PACRGL: variants seen among roughly 807,000 people sequenced by gnomAD.
PACRGL encodes PACRG-like protein.
Under a neutral mutation model 34.5 loss-of-function variants are expected in PACRGL, and 38 were observed. That is an observed-to-expected ratio of 1.10 (90% CI 0.85 to 1.44). The LOEUF (loss-of-function observed/expected upper bound fraction) is 1.44. PACRGL is among the 40% of genes most tolerant of loss of function. PACRGL has a pLI of 0.00. For missense variants in PACRGL, 305 were observed against 281.4 expected, an observed-to-expected ratio of 1.08 and a Z score of -0.60; for synonymous variants, 128 against 100.1, an observed-to-expected ratio of 1.28 and a Z score of -1.66.
At chr4:20,762,155 G>A in the PACRGL span, among the ~76,000 whole-genome samples, 3 of 152,302 alleles carry the variant, frequency 2.0e-5, no homozygotes, top group East Asian at 5.8e-4. Flanking sequence ...AGTGCTTGAT[G>A]AGGCCACATT....
chr4:20,700,411 T>A (rs968397321), upstream of PACRGL: 31 of 152,026 alleles, frequency 2.0e-4, no homozygotes, highest in African/African-American at 7.5e-4. Context: ...GCGTCTGACG[T>A]CATTGCGCGG....
downstream of PACRGL, among the ~76,000 whole-genome samples, chr4:20,735,271 G>A (rs1351425993): frequency 2.6e-5 from 4 of 152,092 alleles, no homozygotes; most frequent in African/African-American, 9.7e-5. Context: ...CTATATTACT[G>A]GATGGCTTTG....
intron 1 of PACRGL, chr4:20,702,781 A>G (rs1449557879): frequency 6.6e-6 from 1 of 152,258 alleles, no homozygotes; most frequent in Non-Finnish European, 1.5e-5. Flanking sequence ...CTTATTTTAG[A>G]CTATTATCTG....
chr4:20,731,427 T>TAAGC lies in PACRGL; in HGVS notation c.*4087_*4090dup. 1.0e-6 allele frequency: 1 copy of TAAGC among 985,350 alleles called. No individual in the cohort carries two copies. The highest frequency in any genetic ancestry group is 1.2e-6 in the Non-Finnish European group (1 of 829,866). 61.0% of individuals were successfully genotyped at this position (985,350 alleles called of 1,614,324 possible). ...ACACATCAAGTCAAATAATTCTAAG[T>TAAGC]AAGCTAACACTGGTTTCTTTGATAA... On this transcript the variant is annotated 3_prime_UTR_variant, in exon 9 of 9. Transcript: ENST00000503585.
chr4:20,736,348 CATT>C (rs1482477245), downstream of PACRGL, among the ~76,000 whole-genome samples: 1 of 151,960 alleles, frequency 6.6e-6, no homozygotes, highest in Non-Finnish European at 1.5e-5. Flanking sequence ...TTTTTCTCAT[CATT>C]ATTTCTAGGT....
exon 9 of PACRGL, chr4:20,752,606 C>T (rs1199050578): frequency 6.6e-6 from 1 of 152,100 alleles, no homozygotes; most frequent in Non-Finnish European, 1.5e-5. Flanking sequence ...TAATTTAATG[C>T]AATTTTCTGC....
chr4:20,707,724 C>G, intron 3 of PACRGL, 79 bp from the exon 4 acceptor site: 1 of 1,167,130 alleles, frequency 8.6e-7, no homozygotes, highest in Non-Finnish European at 1.3e-6. Context: ...ACCAGCTTGG[C>G]GGTTTGAAAA....
chr4:20,741,618 G>A (rs558099349), intron 8 of PACRGL, among the ~76,000 whole-genome samples: 22 of 152,258 alleles, frequency 1.4e-4, no homozygotes, highest in Non-Finnish European at 3.2e-4. Context: ...GAGAAAGCAG[G>A]AAAGATCTAA....
intron 8 of PACRGL, among the ~76,000 whole-genome samples, chr4:20,739,487 C>T (rs1750533758): frequency 6.6e-6 from 1 of 152,170 alleles, no homozygotes; most frequent in Admixed American, 6.5e-5. Flanking sequence ...CTCCAACAGA[C>T]CTGCAGCTGA....
chr4:20,723,898 C>T lies in PACRGL; in HGVS notation c.610-910C>T, dbSNP rs1235110173. Among the ~76,000 whole-genome samples, 30 of 152,208 alleles carry T rather than the reference C, an allele frequency of 2.0e-4. No individual in the cohort carries two copies. In the East Asian group the frequency reaches 5.8e-3, roughly 29 times the overall value. ...ATTACCACTAACTATGAGACAGACA[C>T]CACTGAGGATGTCAATGAGGTGCTA... is the stretch of plus-strand genomic sequence containing the variant. On this transcript the variant is annotated intron_variant, in intron 7 of 8. Transcript: ENST00000503585.
chr4:20,718,216 TAAG>T (rs1388192356), intron 7 of PACRGL, among the ~76,000 whole-genome samples: 1 of 152,210 alleles, frequency 6.6e-6, no homozygotes, highest in Non-Finnish European at 1.5e-5. Flanking sequence ...CTTATCAGCT[TAAG>T]GAGATTTTGG....
In PACRGL at chr4:20,727,512, C is replaced by T. The variant is rs549734644; in HGVS notation, c.*171C>T. The T allele has an allele frequency of 1.9e-6, 1 of 531,616 alleles. No homozygotes were observed. The highest frequency in any genetic ancestry group is 3.5e-5 in the South Asian group (1 of 28,846). The allele number at this position is 531,616 out of a possible 1,614,324, so 32.9% of individuals were successfully genotyped here. A position where few individuals can be genotyped will look rare whatever the true frequency, so the allele number is the denominator to read the frequency against. Reference sequence around the variant, plus strand: ...ATTCATCAACAAAAAAGAACAGTTACTAATGGAAAGTTATTAAAATAAGTT... The same window carrying T: ...ATTCATCAACAAAAAAGAACAGTTATTAATGGAAAGTTATTAAAATAAGTT... On this transcript the variant is annotated 3_prime_UTR_variant, in exon 9 of 9. Transcript: ENST00000503585.
chr4:20,709,866 A>G, intron 5 of PACRGL, 93 bp downstream of exon 5: 2 of 1,065,724 alleles, frequency 1.9e-6, no homozygotes, highest in Non-Finnish European at 2.8e-6. Flanking sequence ...ATTTCATTCT[A>G]TGCCTTTGAA....
chr4:20,704,780 C>T lies in PACRGL; in HGVS notation c.173C>T (p.Pro58Leu). Residue 58 changes from proline to leucine, a missense_variant, in exon 3 of 9, where the codon CCA (proline) becomes CTA (leucine). Physicochemically the swap from Pro to Leu is moderately conservative, Grantham distance 98. Coordinates refer to ENST00000503585, the MANE Select transcript of PACRGL (RefSeq NM_001258345.3). The stretch of plus-strand genomic sequence containing the variant: ...TCTGCAAGAAAACTTCATCCTAGAC[C>T]AAGTGATAAACTGAACCCTAAAACA... ...PESARKLHPR[P>L]SDKLNPKTIN... 1 of 1,614,084 alleles carries T rather than the reference C, an allele frequency of 6.2e-7. No homozygotes were observed. Among genetic ancestry groups the T allele is most frequent in the Middle Eastern group, 1.6e-4 (1 of 6,062 alleles).
chr4:20,731,882 G>A lies in PACRGL; in HGVS notation c.*4541G>A. The A allele has an allele frequency of 6.8e-7, 1 of 1,467,480 alleles. No homozygotes were observed. Among genetic ancestry groups the A allele is most frequent in the East Asian group, 2.5e-5 (1 of 40,724 alleles). 90.9% of individuals were successfully genotyped at this position (1,467,480 alleles called of 1,614,324 possible). A position where few individuals can be genotyped will look rare whatever the true frequency, so the allele number is the denominator to read the frequency against. On this transcript the variant is annotated 3_prime_UTR_variant, in exon 9 of 9. Coordinates refer to ENST00000503585, the MANE Select transcript of PACRGL (RefSeq NM_001258345.3). ...GAGTGGTAGGCTTATGCTGCATGTT[G>A]TAGAAGTGGTAAACTTAGGCATATG...
At chr4:20,721,118 G>A (rs747919468) in intron 7 of PACRGL, among the ~76,000 whole-genome samples, 3 of 151,976 alleles carry the variant, frequency 2.0e-5, no homozygotes, top group Non-Finnish European at 2.9e-5. Flanking sequence ...CGATTGAGTC[G>A]GCTACTGAAG....
the PACRGL span, among the ~76,000 whole-genome samples, chr4:20,762,647 A>G: frequency 6.6e-6 from 1 of 152,242 alleles, no homozygotes; most frequent in South Asian, 2.1e-4. Context: ...TGTAAAACAT[A>G]AACAATGTGC....
downstream of PACRGL, among the ~76,000 whole-genome samples, chr4:20,753,906 G>GTTCATTCATTCATTCA (rs3835144): frequency 4.6e-5 from 7 of 151,184 alleles, no homozygotes; most frequent in East Asian, 1.9e-4. Context: ...GAGCTCATTT[G>GTTCATTCATTCATTCA]TTCATTCATT....
rs561026921 is a variant in PACRGL, at chr4:20,720,779, T to C, written c.610-4029T>C. On this transcript the variant is annotated intron_variant, in intron 7 of 8. Transcript: ENST00000503585. Reference sequence around the variant, plus strand: ...AATATTTTTTCCTTCATTTCAACCTTGGTGAATCTGACAATTATGTGTCTT... The same window carrying C: ...AATATTTTTTCCTTCATTTCAACCTCGGTGAATCTGACAATTATGTGTCTT... 2.1e-3 allele frequency among the ~76,000 whole-genome samples: 317 copies of C among 152,234 alleles called. 1 individual carries two copies. The highest frequency in any genetic ancestry group is 7.3e-3 in the African/African-American group (302 of 41,548).
Sources: allele counts gnomAD v4.1 joint callset (sites outside exome capture counted in the v4.1 genomes callset), GRCh38; gene constraint gnomAD v4.1.1; transcripts MANE v1.5; gene names NCBI Gene and HGNC (gene_info 2026-07-23, HGNC 2026-07-21).